RUNDC3B: variants seen among roughly 807,000 people sequenced by gnomAD.
RUNDC3B encodes the protein RUN domain containing 3B.
A neutral mutation model predicts 58.4 loss-of-function variants in RUNDC3B; 33 were observed. That is an observed-to-expected ratio of 0.56 (90% CI 0.43 to 0.75). The LOEUF (loss-of-function observed/expected upper bound fraction) is 0.75, where lower values mean the gene tolerates loss of function less well. RUNDC3B is among the 30% of genes least tolerant of loss of function. RUNDC3B has a pLI of 0.00. For synonymous variants in RUNDC3B, 193 were observed against 195.2 expected (o/e 0.99, Z 0.10); for missense variants, 501 against 535.7 (o/e 0.94, Z 0.64).
intron 9 of RUNDC3B, among the ~76,000 whole-genome samples, chr7:87,811,579 A>C (rs1836719044): frequency 6.6e-6 from 1 of 151,864 alleles, no homozygotes; most frequent in South Asian, 2.1e-4. Context: ...CTCATGACCC[A>C]CCCAAAGTGG....
chr7:87,811,347 T>C (rs1836700928), intron 9 of RUNDC3B, among the ~76,000 whole-genome samples: 1 of 152,022 alleles, frequency 6.6e-6, no homozygotes, highest in Non-Finnish European at 1.5e-5. Flanking sequence ...TAATTTTTTT[T>C]TTTTTTTAAT....
intron 2 of RUNDC3B, among the ~76,000 whole-genome samples, chr7:87,690,143 G>C (rs977150460): frequency 4.0e-5 from 6 of 151,698 alleles, no homozygotes; most frequent in African/African-American, 1.5e-4. Context: ...AGATTTCTTG[G>C]TATAAGAACC....
chr7:87,706,144 C>T (rs1829565786), intron 3 of RUNDC3B, among the ~76,000 whole-genome samples: 1 of 152,150 alleles, frequency 6.6e-6, no homozygotes, highest in Non-Finnish European at 1.5e-5. Flanking sequence ...GTTACATCAG[C>T]CATCCACATA....
Position 87,628,963 on chromosome 7 carries a change from G to A in RUNDC3B, c.122+18G>A. ...GTGTGCAGGTACGGCAGCGCAGGGC[G>A]AGGGGAACCAGCCTCCCGCCGGGGC... On this transcript the variant is annotated intron_variant, in intron 1 of 10. Coordinates refer to ENST00000394654, the MANE Select transcript of RUNDC3B (RefSeq NM_001134405.2). 2 of 1,308,064 alleles carry A rather than the reference G, an allele frequency of 1.5e-6. No homozygotes were observed. Among genetic ancestry groups the A allele is most frequent in the South Asian group, 3.3e-5 (1 of 30,706 alleles). 81.0% of individuals were successfully genotyped at this position (1,308,064 alleles called of 1,614,324 possible). A position where few individuals can be genotyped will look rare whatever the true frequency, so the allele number is the denominator to read the frequency against.
At chr7:87,684,902 C>A (rs1827308847) in intron 2 of RUNDC3B, among the ~76,000 whole-genome samples, 2 of 151,712 alleles carry the variant, frequency 1.3e-5, no homozygotes, top group Non-Finnish European at 2.9e-5. Flanking sequence ...TAATTGAATA[C>A]CTGTGTGCAA....
At chr7:87,812,077 C>A (rs960934367) in intron 9 of RUNDC3B, among the ~76,000 whole-genome samples, 1 of 152,068 alleles carries the variant, frequency 6.6e-6, no homozygotes, top group African/African-American at 2.4e-5. Flanking sequence ...CAATACTGGG[C>A]AAATGCATAG....
intron 2 of RUNDC3B, among the ~76,000 whole-genome samples, chr7:87,676,861 A>G (rs977853794): frequency 6.6e-6 from 1 of 152,204 alleles, no homozygotes; most frequent in Non-Finnish European, 1.5e-5. Context: ...GCCAACTGAT[A>G]TATGAAAAGA....
intron 4 of RUNDC3B, among the ~76,000 whole-genome samples, chr7:87,724,949 AATT>A (rs1165618087): frequency 1.3e-5 from 2 of 152,028 alleles, no homozygotes; most frequent in African/African-American, 2.4e-5. Context: ...TATTCATTTG[AATT>A]ATTAATATTA....
At chr7:87,657,069 C>T (rs1472065382) in intron 2 of RUNDC3B, among the ~76,000 whole-genome samples, 1 of 152,078 alleles carries the variant, frequency 6.6e-6, no homozygotes, top group Non-Finnish European at 1.5e-5. Context: ...TCCCCTATTT[C>T]TCTCACTAAG....
At chr7:87,778,973 T>C (rs1834795506) in intron 8 of RUNDC3B, among the ~76,000 whole-genome samples, 2 of 152,190 alleles carry the variant, frequency 1.3e-5, no homozygotes, top group Admixed American at 1.3e-4. Flanking sequence ...AGATTCATTA[T>C]TTTCAACATT....
chr7:87,628,882 G>T lies in RUNDC3B; in HGVS notation c.59G>T (p.Gly20Val), dbSNP rs761377106. 1.5e-6 allele frequency: 2 copies of T among 1,296,302 alleles called. No individual in the cohort carries two copies. The highest frequency in any genetic ancestry group is 1.5e-5 in the African/African-American group (1 of 66,164). 80.3% of individuals were successfully genotyped at this position (1,296,302 alleles called of 1,614,324 possible). ...ATCCGCGGCGGTGGCGGCGGAGGCG[G>T]CAAGAAAAGCCTGAGCGCCCGCAAT... ...SGIRGGGGGG[G>V]KKSLSARNAA... The change falls in exon 1 of 11, where the codon GGC becomes GTC. Residue 20 changes from glycine (G) to valine (V), a missense_variant. By Grantham distance (109) the Gly-to-Val change is moderately radical. Coordinates refer to ENST00000394654, the MANE Select transcript of RUNDC3B (RefSeq NM_001134405.2).
chr7:87,629,694 G>A (rs990213517), intron 1 of RUNDC3B, among the ~76,000 whole-genome samples: 4 of 152,136 alleles, frequency 2.6e-5, no homozygotes, highest in Non-Finnish European at 5.9e-5. Flanking sequence ...TTGGGAGGCT[G>A]AGGCGGGCGG....
At chr7:87,654,306 G>T (rs1393241149) in intron 2 of RUNDC3B, among the ~76,000 whole-genome samples, 3 of 151,980 alleles carry the variant, frequency 2.0e-5, no homozygotes, top group Non-Finnish European at 4.4e-5. Flanking sequence ...AAAGCTGGAG[G>T]CATCAAAATA....
rs114441538 is a variant in RUNDC3B at position 87,785,709 on chromosome 7, G to T, written c.956+7754G>T. ...CTACTTTCTCCTGGCTCTGCAGTCA[G>T]TAGGGGCTCCAGTCACTCAGAGCAA... On this transcript the variant is annotated intron_variant, in intron 8 of 10. Coordinates refer to ENST00000394654, the MANE Select transcript of RUNDC3B (RefSeq NM_001134405.2). Among the ~76,000 whole-genome samples, 1,053 of 152,306 alleles carry T rather than the reference G, an allele frequency of 6.9e-3. 11 individuals carry two copies. Among genetic ancestry groups the T allele is most frequent in the African/African-American group, 0.023 (973 of 41,564 alleles).
chr7:87,750,730 G>A (rs549709175), intron 6 of RUNDC3B, among the ~76,000 whole-genome samples: 1 of 150,118 alleles, frequency 6.7e-6, no homozygotes, highest in African/African-American at 2.5e-5. Context: ...GGGGTTGTTT[G>A]TTTTTTTCTT....
At chr7:87,796,905 T>C (rs1015651240) in intron 8 of RUNDC3B, among the ~76,000 whole-genome samples, 3 of 152,226 alleles carry the variant, frequency 2.0e-5, no homozygotes, top group Admixed American at 1.3e-4. Flanking sequence ...TCTTGTAGTA[T>C]TGTGACAATG....
At chr7:87,776,075 A>G (rs571592095) in intron 7 of RUNDC3B, among the ~76,000 whole-genome samples, 13 of 152,332 alleles carry the variant, frequency 8.5e-5, no homozygotes, top group African/African-American at 2.9e-4. Flanking sequence ...ATGTGAATAT[A>G]ATATCAAGTG....
intron 3 of RUNDC3B, among the ~76,000 whole-genome samples, chr7:87,702,163 A>C (rs1259803196): frequency 2.0e-5 from 3 of 149,928 alleles, no homozygotes; most frequent in East Asian, 1.9e-4. Flanking sequence ...AAAAAAAAAA[A>C]AAAAAAAAAC....
intron 3 of RUNDC3B, among the ~76,000 whole-genome samples, chr7:87,709,887 A>G (rs563413207): frequency 6.6e-6 from 1 of 152,318 alleles, no homozygotes; most frequent in Admixed American, 6.5e-5. Context: ...CTAAATAGAA[A>G]GTCCGTAAGA....
Sources: gnomAD v4.1 joint callset for allele counts (sites outside exome capture counted in the v4.1 genomes callset) on GRCh38, gnomAD v4.1.1 for gene constraint, MANE v1.5 for transcripts, NCBI Gene and HGNC (gene_info 2026-07-23, HGNC 2026-07-21) for gene names.